Variants in SLC30A4 observed in about 807,000 individuals in gnomAD.
The protein encoded by SLC30A4 is solute carrier family 30 member 4.
In SLC30A4, 20 loss-of-function variants were observed where a neutral mutation model predicts 41.7. The observed-to-expected ratio is 0.48, with a 90% CI of 0.34 to 0.70. The LOEUF (loss-of-function observed/expected upper bound fraction) is 0.70, where lower values mean the gene tolerates loss of function less well. SLC30A4 is among the 30% of genes least tolerant of loss of function. The pLI is 0.01. For synonymous variants in SLC30A4, 181 were observed against 195.9 expected (o/e 0.92, Z 0.64); for missense variants, 441 against 529.3 (o/e 0.83, Z 1.64).
At chr15:45,521,319 A>G (rs1212434731) in intron 2 of SLC30A4, among the ~76,000 whole-genome samples, 1 of 152,370 alleles carries the variant, frequency 6.6e-6, no homozygotes, top group East Asian at 1.9e-4. Flanking sequence ...CCTCTGGTTC[A>G]TTTCAGGCCC....
chr15:45,481,068 A>G lies in SLC30A4; in HGVS notation c.*4095T>C, dbSNP rs1341269986. 2 of 152,258 alleles carry G rather than the reference A, an allele frequency of 1.3e-5. No individual in the cohort carries two copies. Among genetic ancestry groups the G allele is most frequent in the African/African-American group, 2.4e-5 (1 of 41,470 alleles). The allele number at this position is 152,258 out of a possible 1,614,324, so 9.4% of individuals were successfully genotyped here. A position where few individuals can be genotyped will look rare whatever the true frequency, so the allele number is the denominator to read the frequency against. ...CTGATCTTGACTATGTCTATTCTGG[A>G]AAGTCTATGAAAGACAAACACTGTC... is the stretch of plus-strand genomic sequence containing the variant. On this transcript the variant is annotated 3_prime_UTR_variant, in exon 8 of 8. Transcript: ENST00000261867.
intron 2 of SLC30A4, among the ~76,000 whole-genome samples, chr15:45,511,644 C>A (rs186888742): frequency 1.3e-5 from 2 of 152,058 alleles, no homozygotes; most frequent in South Asian, 4.1e-4. Flanking sequence ...CCACCACGCC[C>A]GGCTAATTTT....
intron 2 of SLC30A4, among the ~76,000 whole-genome samples, chr15:45,517,892 G>A (rs1053697563): frequency 2.0e-5 from 3 of 151,536 alleles, no homozygotes; most frequent in Non-Finnish European, 4.4e-5. Flanking sequence ...AGCTTGCAGT[G>A]AGCCGAGATC....
At chr15:45,486,488 C>A (rs1891708400) in intron 7 of SLC30A4, 123 bp downstream of exon 7, 2 of 895,850 alleles carry the variant, frequency 2.2e-6, no homozygotes, top group Non-Finnish European at 3.3e-6. Flanking sequence ...AAGACAAAGG[C>A]TTTTGTCTTA....
chr15:45,487,509 G>A lies in SLC30A4; in HGVS notation c.1000+18C>T. ...AGGGAAGTAATAAACTCATAATGAGGATATAGTGAGATCTTACCTTCTAGT... is the reference window on the plus strand; with the variant it reads ...AGGGAAGTAATAAACTCATAATGAGAATATAGTGAGATCTTACCTTCTAGT... On this transcript the variant is annotated intron_variant, in intron 6 of 7. Coordinates refer to ENST00000261867, the MANE Select transcript of SLC30A4 (RefSeq NM_013309.6). 8.8e-7 allele frequency: 1 copy of A among 1,132,956 alleles called. No homozygotes were observed. The highest frequency in any genetic ancestry group is 1.3e-6 in the Non-Finnish European group (1 of 744,320). 70.2% of individuals were successfully genotyped at this position (1,132,956 alleles called of 1,614,324 possible).
intron 2 of SLC30A4, among the ~76,000 whole-genome samples, chr15:45,521,417 A>T (rs1320774229): frequency 2.0e-5 from 3 of 152,186 alleles, no homozygotes; most frequent in African/African-American, 7.2e-5. Flanking sequence ...GTATAAAAGA[A>T]ACCACTTAGG....
Position 45,522,645 on chromosome 15 carries a change from C to T in SLC30A4, c.-153G>A, listed in dbSNP as rs375290750. On this transcript the variant is annotated 5_prime_UTR_variant, in exon 1 of 8. Coordinates refer to ENST00000261867, the MANE Select transcript of SLC30A4 (RefSeq NM_013309.6). ...GCGGGGCCGCAACTCATCTCCCCGC[C>T]CCCGGCCGGCTCAGCGAGGCGGGCT... 1.9e-5 allele frequency: 5 copies of T among 263,080 alleles called. No homozygotes were observed. The South Asian group carries it at 6.6e-4, about 35-fold the overall frequency. The allele number at this position is 263,080 out of a possible 1,614,324, so 16.3% of individuals were successfully genotyped here. A position where few individuals can be genotyped will look rare whatever the true frequency, so the allele number is the denominator to read the frequency against.
Position 45,521,995 on chromosome 15 carries a change from C to T in SLC30A4, c.360G>A (p.Leu120=). ...VKARLTIAAV[L]YLLFMIGELV... ...GTTCTCCAATCATGAAAAGCAAGTA[C>T]AGAACGGCAGCAATGGTCAACCTGG... is the stretch of plus-strand genomic sequence containing the variant. Residue 120 remains leucine, a synonymous_variant, in exon 2 of 8, where the codon CTG becomes CTA. Transcript: ENST00000261867. The T allele has an allele frequency of 6.2e-7, 1 of 1,614,184 alleles. No homozygotes were observed. Among genetic ancestry groups the T allele is most frequent in the Admixed American group, 1.7e-5 (1 of 60,028 alleles).
At chr15:45,520,426 C>T (rs558455228) in intron 2 of SLC30A4, among the ~76,000 whole-genome samples, 56 of 152,090 alleles carry the variant, frequency 3.7e-4, no homozygotes, top group Admixed American at 1.9e-3. Flanking sequence ...CCCACCACAA[C>T]GTCCGGCTAA....
rs190453638 is a variant in SLC30A4 at position 45,482,711 on chromosome 15, T to C, written c.*2452A>G. The C allele has an allele frequency of 6.8e-4, 104 of 152,316 alleles. No individual in the cohort carries two copies. The highest frequency in any genetic ancestry group is 2.5e-3 in the African/African-American group (103 of 41,582). The allele number at this position is 152,316 out of a possible 1,614,324, so 9.4% of individuals were successfully genotyped here. A position where few individuals can be genotyped will look rare whatever the true frequency, so the allele number is the denominator to read the frequency against. On this transcript the variant is annotated 3_prime_UTR_variant, in exon 8 of 8. Coordinates refer to ENST00000261867, the MANE Select transcript of SLC30A4 (RefSeq NM_013309.6). The stretch of plus-strand genomic sequence containing the variant: ...GTAAGAATATTTTGATTTAAATAGT[T>C]TATATGCTCCTGAAATTTCTGAGAA...
At chr15:45,487,407 T>C (rs1293505963) in intron 6 of SLC30A4, 120 bp downstream of exon 6, 1 of 551,528 alleles carries the variant, frequency 1.8e-6, no homozygotes, top group South Asian at 2.7e-5. Context: ...GGTACTGTTA[T>C]ATAGCCTAAA....
At chr15:45,520,946 AAG>A (rs1892648138) in intron 2 of SLC30A4, 1 of 436,284 alleles carries the variant, frequency 2.3e-6, no homozygotes, top group African/African-American at 2.1e-5. Flanking sequence ...TAGAGGCAAA[AAG>A]AGCTTTGTGA....
rs1465136895 is a variant in SLC30A4 at position 45,522,170 on chromosome 15, A to G, written c.185T>C (p.Val62Ala). The part of the protein sequence containing the change: ...DDGSEAPERP[V>A]NGAHPTLQAD... Reference sequence around the variant, plus strand: ...CTGGAGGGTCGGGTGCGCCCCGTTAACAGGCCTTTCCGGGGCTTCGGAACC... The same window carrying G: ...CTGGAGGGTCGGGTGCGCCCCGTTAGCAGGCCTTTCCGGGGCTTCGGAACC... Residue 62 changes from valine (V) to alanine (A), a missense_variant, in exon 2 of 8, where the codon GTT becomes GCT. This residue lies in a region of SLC30A4 where 312 missense variants were observed against 341.9 expected (regional missense o/e 0.91). Coordinates refer to ENST00000261867, the MANE Select transcript of SLC30A4 (RefSeq NM_013309.6). 4.3e-6 allele frequency: 7 copies of G among 1,614,228 alleles called. No homozygotes were observed. Among genetic ancestry groups the G allele is most frequent in the Middle Eastern group, 1.6e-4 (1 of 6,062 alleles).
At position 45,490,856 on chromosome 15, in the gene SLC30A4, C is replaced by T. The variant is rs749503614; in HGVS notation, c.564G>A (p.Val188=). 1 of 1,592,978 alleles carries T rather than the reference C, an allele frequency of 6.3e-7. No homozygotes were observed. The highest frequency in any genetic ancestry group is 1.8e-5 in the Admixed American group (1 of 56,258). The change falls in exon 4 of 8, where the codon GTG becomes GTA. Residue 188 remains valine, a synonymous_variant. Coordinates refer to ENST00000261867, the MANE Select transcript of SLC30A4 (RefSeq NM_013309.6). The part of the protein sequence containing the change: ...RLEVLSAMIS[V]LLVYILMGFL... ...ATCCCATAAGTATATACACCAACAG[C>T]ACACTAATCATAGCTGACAAAACCT...
In SLC30A4 at chr15:45,482,652, A is replaced by G. The variant is rs1304014376; in HGVS notation, c.*2511T>C. ...TAAATATGTCCAGATGTCCACTGAAATATCTCTCATTTATTCTTACTTGGT... is the reference window on the plus strand; with the variant it reads ...TAAATATGTCCAGATGTCCACTGAAGTATCTCTCATTTATTCTTACTTGGT... On this transcript the variant is annotated 3_prime_UTR_variant, in exon 8 of 8. Transcript: ENST00000261867. 5.9e-5 allele frequency: 9 copies of G among 152,278 alleles called. No homozygotes were observed. The East Asian group carries it at 1.5e-3, about 26-fold the overall frequency. The allele number at this position is 152,278 out of a possible 1,614,324, so 9.4% of individuals were successfully genotyped here.
At chr15:45,505,417 A>G (rs1469742621) in intron 3 of SLC30A4, among the ~76,000 whole-genome samples, 2 of 152,192 alleles carry the variant, frequency 1.3e-5, no homozygotes, top group African/African-American at 2.4e-5. Flanking sequence ...CTATTGTCAG[A>G]TAGAGTGTAA....
chr15:45,501,035 C>T (rs950750811), intron 3 of SLC30A4, among the ~76,000 whole-genome samples: 2 of 147,402 alleles, frequency 1.4e-5, no homozygotes, highest in South Asian at 2.4e-4. Context: ...TGGCCAGGTG[C>T]GGTGGCTCAC....
At chr15:45,498,490 T>C (rs944701852) in intron 3 of SLC30A4, among the ~76,000 whole-genome samples, 1 of 152,160 alleles carries the variant, frequency 6.6e-6, no homozygotes, top group Non-Finnish European at 1.5e-5. Flanking sequence ...TCATAGAGGA[T>C]TTTCAGTGGC....
At chr15:45,487,990 T>TGTGTGG (rs1555391098) in intron 5 of SLC30A4, among the ~76,000 whole-genome samples, 1 of 151,026 alleles carries the variant, frequency 6.6e-6, no homozygotes, top group African/African-American at 2.4e-5. Context: ...TGTGTGTGTG[T>TGTGTGG]GTGTGTGTGT....
Sources: gnomAD v4.1 joint callset for allele counts (sites outside exome capture counted in the v4.1 genomes callset) on GRCh38, gnomAD v4.1.1 for gene constraint, gnomAD v4.1.1 regional missense constraint, MANE v1.5 for transcripts, NCBI Gene and HGNC (gene_info 2026-07-23, HGNC 2026-07-21) for gene names.